SCNN1B: variants seen among roughly 807,000 people sequenced by gnomAD.
The protein encoded by SCNN1B is epithelial sodium channel subunit beta.
In SCNN1B, 46 loss-of-function variants were observed where a neutral mutation model predicts 65.3. The ratio of observed to expected loss-of-function variants is 0.70; its 90% CI spans 0.56 to 0.90. The LOEUF (loss-of-function observed/expected upper bound fraction) is 0.90, where lower values mean the gene tolerates loss of function less well. SCNN1B is among the 40% of genes least tolerant of loss of function. The pLI is 0.00. For missense variants in SCNN1B, 751 were observed against 830.5 expected (o/e 0.90, Z 1.18); for synonymous variants, 349 against 330.6 (o/e 1.06, Z -0.60).
At chr16:23,335,414 A>G (rs1293961954) in intron 1 of SCNN1B, among the ~76,000 whole-genome samples, 1 of 150,612 alleles carries the variant, frequency 6.6e-6, no homozygotes, top group Non-Finnish European at 1.5e-5. Flanking sequence ...AGCCTCCCAA[A>G]GTGCTGGGAT....
intron 2 of SCNN1B, among the ~76,000 whole-genome samples, chr16:23,292,958 T>C (rs749268929): frequency 1.5e-4 from 23 of 150,886 alleles, no homozygotes; most frequent in Non-Finnish European, 3.1e-4. Flanking sequence ...CTACTAAAAA[T>C]ACAAACATTA....
chr16:23,374,804 C>T (rs1962859312), intron 7 of SCNN1B, among the ~76,000 whole-genome samples: 1 of 151,710 alleles, frequency 6.6e-6, no homozygotes, highest in Non-Finnish European at 1.5e-5. Context: ...GGGGCGGGGC[C>T]GAGTGGAGAG....
intron 1 of SCNN1B, among the ~76,000 whole-genome samples, chr16:23,324,667 TC>T (rs939545261): frequency 6.6e-6 from 1 of 152,056 alleles, no homozygotes; most frequent in African/African-American, 2.4e-5. Flanking sequence ...AACAACCACC[TC>T]CCTTCTCCAC....
intron 3 of SCNN1B, among the ~76,000 whole-genome samples, chr16:23,353,492 C>T (rs2142020873): frequency 6.6e-6 from 1 of 152,022 alleles, no homozygotes; most frequent in Non-Finnish European, 1.5e-5. Flanking sequence ...TAGCAGTGGT[C>T]CCAGAAAAAG....
intron 1 of SCNN1B, among the ~76,000 whole-genome samples, chr16:23,335,238 T>A (rs1235034973): frequency 6.6e-6 from 1 of 152,196 alleles, no homozygotes; most frequent in Non-Finnish European, 1.5e-5. Flanking sequence ...TTTTTTTATG[T>A]CTCCTTTTCT....
chr16:23,283,202 G>A (rs911865370), intron 1 of SCNN1B, among the ~76,000 whole-genome samples: 1 of 152,178 alleles, frequency 6.6e-6, no homozygotes, highest in Admixed American at 6.5e-5. Flanking sequence ...CTTGAGGTCA[G>A]GAGTTGAAGA....
intron 7 of SCNN1B, 77 bp downstream of exon 7, chr16:23,371,960 G>C: frequency 9.1e-7 from 1 of 1,094,392 alleles, no homozygotes; most frequent in Non-Finnish European, 1.4e-6. Flanking sequence ...TACTCCGGGA[G>C]AGCTGGCCCC....
Position 23,322,655 on chromosome 16 carries a change from A to G in SCNN1B, c.-9+20218A>G, listed in dbSNP as rs865916284. Among the ~76,000 whole-genome samples, 23 of 152,318 alleles carry G rather than the reference A, an allele frequency of 1.5e-4. 1 individual carries two copies. The highest frequency in any genetic ancestry group is 3.4e-3 in the Middle Eastern group (1 of 294). On this transcript the variant is annotated intron_variant, in intron 1 of 12. Transcript: ENST00000343070. ...TAGCCACATTTTAAAAAGTAAAAAT[A>G]AACAGATCAAACTAATTTTATTAAT...
chr16:23,336,866 G>A (rs887382446), intron 1 of SCNN1B, among the ~76,000 whole-genome samples: 3 of 152,116 alleles, frequency 2.0e-5, no homozygotes, highest in African/African-American at 7.2e-5. Flanking sequence ...ATGAGATGAT[G>A]TGGCATTATC....
Position 23,380,987 on chromosome 16 carries a change from C to T in SCNN1B, c.*186C>T, listed in dbSNP as rs540660891. 18 of 703,534 alleles carry T rather than the reference C, an allele frequency of 2.6e-5. No homozygotes were observed. The highest frequency in any genetic ancestry group is 2.3e-4 in the East Asian group (9 of 39,698). The allele number at this position is 703,534 out of a possible 1,614,324, so 43.6% of individuals were successfully genotyped here. A position where few individuals can be genotyped will look rare whatever the true frequency, so the allele number is the denominator to read the frequency against. ...ACTGGCCAAGGGCTCTGTAGAATCA[C>T]GGTGCTGGTACAGGATGCAGGAATA... is the stretch of plus-strand genomic sequence containing the variant. On this transcript the variant is annotated 3_prime_UTR_variant, in exon 13 of 13. Coordinates refer to ENST00000343070, the MANE Select transcript of SCNN1B (RefSeq NM_000336.3). The surrounding 1 kb of genome is among the most constrained non-coding windows in gnomAD (Gnocchi z 5.4).
upstream of SCNN1B, among the ~76,000 whole-genome samples, chr16:23,300,850 G>T (rs538909959): frequency 6.6e-6 from 1 of 152,042 alleles, no homozygotes; most frequent in East Asian, 1.9e-4. Flanking sequence ...GAAAAAAATT[G>T]TAAAAAAGCC....
In SCNN1B at chr16:23,334,500, C is replaced by T. The variant is rs75255325; in HGVS notation, c.-8-14092C>T. Among the ~76,000 whole-genome samples, 2,696 of 152,234 alleles carry T rather than the reference C, an allele frequency of 0.018. 137 individuals are homozygous for T. The South Asian group carries it at 0.21, about 12-fold the overall frequency. On this transcript the variant is annotated intron_variant, in intron 1 of 12. Transcript: ENST00000343070. ...CAGTGGGGGACAGGGGTGCTCCAGC[C>T]GCCCACAGGTCTAGAACATCAACAC...
intron 1 of SCNN1B, chr16:23,283,673 A>G: frequency 6.9e-6 from 1 of 145,756 alleles, no homozygotes; most frequent in African/African-American, 2.4e-5. Context: ...AAACAAAACC[A>G]TTGTAGGCAA....
chr16:23,322,073 C>T (rs568979160), intron 1 of SCNN1B, among the ~76,000 whole-genome samples: 81 of 152,128 alleles, frequency 5.3e-4, no homozygotes, highest in African/African-American at 1.8e-3. Context: ...ATGTAAACTG[C>T]CCCGACACAA....
chr16:23,316,567 C>T (rs998938249), intron 1 of SCNN1B, among the ~76,000 whole-genome samples: 3 of 150,314 alleles, frequency 2.0e-5, no homozygotes, highest in African/African-American at 7.5e-5. Flanking sequence ...TCACCATCCT[C>T]ACCATCACCA....
chr16:23,327,487 T>C (rs1961720514), intron 1 of SCNN1B, among the ~76,000 whole-genome samples: 1 of 152,058 alleles, frequency 6.6e-6, no homozygotes, highest in African/African-American at 2.4e-5. Flanking sequence ...TGAGCCAAGA[T>C]TGCGCCATTG....
intron 1 of SCNN1B, among the ~76,000 whole-genome samples, chr16:23,332,910 A>T (rs1245781551): frequency 1.3e-5 from 2 of 152,048 alleles, no homozygotes; most frequent in Admixed American, 6.6e-5. Context: ...CTCTACTAAA[A>T]ATACAAAAAC....
chr16:23,290,592 C>T (rs1275910947), intron 2 of SCNN1B, among the ~76,000 whole-genome samples: 1 of 152,208 alleles, frequency 6.6e-6, no homozygotes. Context: ...CAGGCACGAG[C>T]CATAGCACCC....
chr16:23,302,712 A>G (rs1490930568), intron 1 of SCNN1B, among the ~76,000 whole-genome samples: 2 of 152,092 alleles, frequency 1.3e-5, no homozygotes, highest in Non-Finnish European at 2.9e-5. Context: ...GACCTCAGAG[A>G]CGGCGGCAAA....
Sources: gnomAD v4.1 joint callset for allele counts (sites outside exome capture counted in the v4.1 genomes callset) on GRCh38, gnomAD v4.1.1 for gene constraint, Gnocchi (gnomAD v3.1) non-coding constraint, MANE v1.5 for transcripts, NCBI Gene and HGNC (gene_info 2026-07-23, HGNC 2026-07-21) for gene names.